Variants in LDB2 observed in about 807,000 individuals in gnomAD.
The protein encoded by LDB2 is LIM domain binding 2.
A neutral mutation model predicts 44.3 loss-of-function variants in LDB2; 12 were observed. That is an observed-to-expected ratio of 0.27 (90% CI 0.17 to 0.44). LDB2 has a LOEUF of 0.44. LDB2 is among the 20% of genes least tolerant of loss of function. LDB2 has a pLI of 1.00. For missense variants in LDB2, 344 were observed against 473.5 expected, an observed-to-expected ratio of 0.73 and a Z score of 2.54; for synonymous variants, 164 against 174.8, an observed-to-expected ratio of 0.94 and a Z score of 0.49.
intron 2 of LDB2, among the ~76,000 whole-genome samples, chr4:16,653,286 C>T (rs1316388987): frequency 6.6e-6 from 1 of 152,164 alleles, no homozygotes; most frequent in Non-Finnish European, 1.5e-5. Flanking sequence ...ATTCTCCCCA[C>T]CGCCAGCCCT....
At chr4:16,843,115 G>C (rs1400977796) in intron 1 of LDB2, among the ~76,000 whole-genome samples, 1 of 151,964 alleles carries the variant, frequency 6.6e-6, no homozygotes, top group Non-Finnish European at 1.5e-5. Flanking sequence ...TGTACTCTGT[G>C]GTGTTTACTT....
chr4:16,864,321 T>C (rs1480860472), intron 1 of LDB2, among the ~76,000 whole-genome samples: 1 of 152,066 alleles, frequency 6.6e-6, no homozygotes, highest in Non-Finnish European at 1.5e-5. Context: ...CAGGGAAAAA[T>C]CAAAGAGTGA....
intron 2 of LDB2, among the ~76,000 whole-genome samples, chr4:16,646,751 C>T (rs6848099): frequency 0.02 from 3,019 of 152,270 alleles, 72 homozygotes; most frequent in African/African-American, 0.061. Flanking sequence ...AACCCCTGTA[C>T]GGGACCATCA....
At chr4:16,722,245 C>T (rs1579069640) in intron 2 of LDB2, among the ~76,000 whole-genome samples, 2 of 152,216 alleles carry the variant, frequency 1.3e-5, no homozygotes, top group East Asian at 3.9e-4. Flanking sequence ...ACCTTATAAA[C>T]TAAGTACCAT....
At chr4:16,659,388 A>C (rs983442716) in intron 2 of LDB2, among the ~76,000 whole-genome samples, 1 of 152,182 alleles carries the variant, frequency 6.6e-6, no homozygotes, top group African/African-American at 2.4e-5. Flanking sequence ...AACATGACTT[A>C]AGAGTTTATA....
intron 1 of LDB2, among the ~76,000 whole-genome samples, chr4:16,819,113 T>C (rs926343662): frequency 2.6e-5 from 4 of 152,090 alleles, no homozygotes; most frequent in Non-Finnish European, 5.9e-5. Flanking sequence ...TGTGTGTGTG[T>C]GTGTGTGTGT....
intron 1 of LDB2, among the ~76,000 whole-genome samples, chr4:16,821,078 T>A (rs1299089610): frequency 6.6e-6 from 1 of 152,212 alleles, no homozygotes; most frequent in African/African-American, 2.4e-5. Flanking sequence ...ATACTCATTA[T>A]TTTTTGACAG....
intron 2 of LDB2, among the ~76,000 whole-genome samples, chr4:16,621,286 A>G (rs1728805457): frequency 6.6e-6 from 1 of 152,194 alleles, no homozygotes; most frequent in South Asian, 2.1e-4. Context: ...CCCCAGATGC[A>G]TCTTGTAACA....
At chr4:16,680,419 A>G (rs1482698224) in intron 2 of LDB2, among the ~76,000 whole-genome samples, 3 of 152,242 alleles carry the variant, frequency 2.0e-5, no homozygotes, top group Admixed American at 6.5e-5. Context: ...GGCAAAGAGC[A>G]TAAGTGCTTG....
At chr4:16,628,218 A>G (rs1730845228) in intron 2 of LDB2, among the ~76,000 whole-genome samples, 1 of 152,206 alleles carries the variant, frequency 6.6e-6, no homozygotes. Flanking sequence ...TACGGGTTGC[A>G]TTACTCTGAC....
At chr4:16,816,940 T>C (rs1781048096) in intron 1 of LDB2, among the ~76,000 whole-genome samples, 1 of 152,170 alleles carries the variant, frequency 6.6e-6, no homozygotes, top group Non-Finnish European at 1.5e-5. Context: ...CCCTCATCTG[T>C]ATGTCATCTG....
At chr4:16,588,686 C>A (rs201913394) in intron 4 of LDB2, 24 bp downstream of exon 4, 1 of 1,607,780 alleles carries the variant, frequency 6.2e-7, no homozygotes, top group East Asian at 2.2e-5. Context: ...GAAAAGAAAG[C>A]AAAACAGAAA....
chr4:16,650,297 A>G (rs1737909075), intron 2 of LDB2, among the ~76,000 whole-genome samples: 1 of 152,198 alleles, frequency 6.6e-6, no homozygotes, highest in African/African-American at 2.4e-5. Flanking sequence ...AATACTTAGC[A>G]TTGGGTCAGT....
intron 1 of LDB2, among the ~76,000 whole-genome samples, chr4:16,878,799 C>T (rs986014977): frequency 6.6e-6 from 1 of 152,140 alleles, no homozygotes; most frequent in African/African-American, 2.4e-5. Context: ...ATCGCATGTC[C>T]AATTTTTCTA....
chr4:16,578,538 C>G (rs1227348742), intron 5 of LDB2, among the ~76,000 whole-genome samples: 2 of 152,004 alleles, frequency 1.3e-5, no homozygotes, highest in African/African-American at 2.4e-5. Context: ...GGTTTTTAGC[C>G]AAAAGACAGT....
chr4:16,894,370 T>C (rs1006606079), intron 1 of LDB2, among the ~76,000 whole-genome samples: 1 of 152,192 alleles, frequency 6.6e-6, no homozygotes, highest in Admixed American at 6.5e-5. Flanking sequence ...TAATTTCATT[T>C]TAAAGGGTGG....
intron 2 of LDB2, among the ~76,000 whole-genome samples, chr4:16,610,378 G>C (rs1430782565): frequency 6.6e-6 from 1 of 152,198 alleles, no homozygotes; most frequent in Non-Finnish European, 1.5e-5. Context: ...TGAATTGACA[G>C]AAGTAGGCTT....
intron 1 of LDB2, among the ~76,000 whole-genome samples, chr4:16,831,979 C>T (rs1025057432): frequency 1.3e-5 from 2 of 152,118 alleles, no homozygotes; most frequent in African/African-American, 2.4e-5. Context: ...AGGAAAGATG[C>T]CTTTGTACCT....
In LDB2 at chr4:16,501,722, A is replaced by C. The variant is rs1438215126; in HGVS notation, c.*921T>G. 1 of 152,650 alleles carries C rather than the reference A, an allele frequency of 6.6e-6. No individual in the cohort carries two copies. Among genetic ancestry groups the C allele is most frequent in the African/African-American group, 2.4e-5 (1 of 41,468 alleles). The allele number at this position is 152,650 out of a possible 1,614,324, so 9.5% of individuals were successfully genotyped here. A position where few individuals can be genotyped will look rare whatever the true frequency, so the allele number is the denominator to read the frequency against. ...ATAAATACACTGGAGTTGCCCAAAA[A>C]CGAAAAGTCCCCATAAAAGAACCAG... On this transcript the variant is annotated 3_prime_UTR_variant, in exon 8 of 8. Transcript: ENST00000304523.
Sources: gnomAD v4.1 joint callset for allele counts (sites outside exome capture counted in the v4.1 genomes callset) on GRCh38, gnomAD v4.1.1 for gene constraint, MANE v1.5 for transcripts, NCBI Gene and HGNC (gene_info 2026-07-23, HGNC 2026-07-21) for gene names.